The following COL4A2 variants were observed in gnomAD, a reference collection of about 807,000 sequenced individuals.
COL4A2 encodes collagen alpha-2(IV) chain.
In COL4A2, 99 loss-of-function variants were observed where a neutral mutation model predicts 200.2. The observed-to-expected ratio is 0.49, with a 90% CI of 0.42 to 0.58. The LOEUF is 0.58. Among genes scored for constraint, COL4A2 ranks in the 20% least tolerant of loss-of-function variants. The pLI is 0.00. For missense variants in COL4A2, 1,950 were observed against 2,314.1 expected, an observed-to-expected ratio of 0.84 and a Z score of 3.23; for synonymous variants, 897 against 900.6, an observed-to-expected ratio of 1.00 and a Z score of 0.07.
At chr13:110,385,531 G>C (rs1179001871) in intron 4 of COL4A2, among the ~76,000 whole-genome samples, 48 of 110,314 alleles carry the variant, frequency 4.4e-4, no homozygotes, top group African/African-American at 1.3e-3. Context: ...GTTACAGTGC[G>C]TGGATAGGCC....
At chr13:110,464,484 C>A (rs1882154329) in intron 24 of COL4A2, among the ~76,000 whole-genome samples, 1 of 152,188 alleles carries the variant, frequency 6.6e-6, no homozygotes, top group African/African-American at 2.4e-5. Context: ...TTTGGGGCAT[C>A]TGCCCTGTGA....
At chr13:110,487,512 A>G (rs1883154934) in intron 34 of COL4A2, among the ~76,000 whole-genome samples, 1 of 152,230 alleles carries the variant, frequency 6.6e-6, no homozygotes, top group African/African-American at 2.4e-5. Context: ...TACAACATCC[A>G]AAGGACCTTT....
At chr13:110,311,536 C>A (rs1226122973) in intron 3 of COL4A2, among the ~76,000 whole-genome samples, 1 of 152,120 alleles carries the variant, frequency 6.6e-6, no homozygotes, top group Admixed American at 6.5e-5. Flanking sequence ...GTTACTCATC[C>A]CACCCACCTC....
intron 4 of COL4A2, among the ~76,000 whole-genome samples, chr13:110,388,489 T>C (rs999914677): frequency 1.3e-5 from 2 of 152,228 alleles, no homozygotes; most frequent in Non-Finnish European, 2.9e-5. Context: ...TGCTCCAAAC[T>C]GCTGCCCCAT....
chr13:110,458,915 C>G lies in COL4A2; in HGVS notation c.1577C>G (p.Pro526Arg), dbSNP rs745382040. Reference sequence around the variant, plus strand: ...GGAGACCCCGGCCAACACGGCCTCCCTGGGTTCCCAGGGCTCAAGGTGAGG... The same window carrying G: ...GGAGACCCCGGCCAACACGGCCTCCGTGGGTTCCCAGGGCTCAAGGTGAGG... ...DRGDPGQHGL[P>R]GFPGLKGVPG... Residue 526 changes from proline to arginine, a missense_variant, in exon 22 of 48, where the codon CCT becomes CGT. Physicochemically the swap from Pro to Arg is moderately radical, Grantham distance 103. Transcript: ENST00000360467. 1.3e-6 allele frequency: 2 copies of G among 1,585,058 alleles called. No homozygotes were observed. Among genetic ancestry groups the G allele is most frequent in the Non-Finnish European group, 1.7e-6 (2 of 1,165,982 alleles).
At chr13:110,380,627 G>T (rs1414247817) in intron 4 of COL4A2, among the ~76,000 whole-genome samples, 1 of 152,038 alleles carries the variant, frequency 6.6e-6, no homozygotes, top group East Asian at 1.9e-4. Context: ...CACCCACAGG[G>T]CTCTACGTCA....
chr13:110,446,869 G>A lies in COL4A2; in HGVS notation c.1078+5G>A. The A allele has an allele frequency of 6.2e-7, 1 of 1,610,654 alleles. No individual in the cohort carries two copies. Among genetic ancestry groups the A allele is most frequent in the Non-Finnish European group, 8.5e-7 (1 of 1,177,196 alleles). The stretch of plus-strand genomic sequence containing the variant: ...CTCACCCTTCCCTAGCAAAAGGTGT[G>A]TGAACAATTTCACCTGCATAGTTCA... On this transcript the variant is annotated splice_donor_5th_base_variant and intron_variant, in intron 18 of 47. Coordinates refer to ENST00000360467, the MANE Select transcript of COL4A2 (RefSeq NM_001846.4).
At chr13:110,495,216 G>C (rs1883416815) in intron 39 of COL4A2, 126 bp from the exon 40 acceptor site, 2 of 1,130,740 alleles carry the variant, frequency 1.8e-6, no homozygotes, top group Non-Finnish European at 1.3e-6. Context: ...TGCAATGCAA[G>C]CTGAAATCAC....
chr13:110,378,776 G>A (rs1184732637), intron 4 of COL4A2, among the ~76,000 whole-genome samples: 1 of 152,162 alleles, frequency 6.6e-6, no homozygotes, highest in East Asian at 1.9e-4. Flanking sequence ...TCGAACCACT[G>A]GGAAGAATGT....
rs1043251482 is a variant in COL4A2, at chr13:110,428,533, G to A, written c.427G>A (p.Asp143Asn). 1 of 1,583,552 alleles carries A rather than the reference G, an allele frequency of 6.3e-7. No homozygotes were observed. Among genetic ancestry groups the A allele is most frequent in the East Asian group, 2.4e-5 (1 of 41,324 alleles). ...GYDGCNGTQG[D>N]SGPQGPPGSE... is the part of the protein sequence containing the mutation. ...CGATGGCTGCAACGGAACCCAGGGA[G>A]ACTCAGGTCCACAGGGGCCCCCCGG... Residue 143 changes from aspartate to asparagine, a missense_variant, in exon 7 of 48, where the codon GAC becomes AAC. Transcript: ENST00000360467.
At chr13:110,480,184 T>C in intron 30 of COL4A2, 36 bp from the exon 31 acceptor site, 1 of 1,553,178 alleles carries the variant, frequency 6.4e-7, no homozygotes, top group South Asian at 1.2e-5. Context: ...TGTGTGTGTT[T>C]GTCCACCCTG....
At position 110,512,118 on chromosome 13, in the gene COL4A2, C is replaced by T. The variant is rs761162868; in HGVS notation, c.5066C>T (p.Ser1689Phe). 1.5e-5 allele frequency: 25 copies of T among 1,613,608 alleles called. 2 individuals carry two copies. Among genetic ancestry groups the T allele is most frequent in the Middle Eastern group, 1.6e-4 (1 of 6,062 alleles). ...GAGCAGAGCTTCCAGGGCTCGCCCT[C>T]CGCCGACACGCTCAAGGCCGGCCTC... is the stretch of plus-strand genomic sequence containing the variant. ...IPEQSFQGSP[S>F]ADTLKAGLIR... The change falls in exon 48 of 48, where the codon TCC (serine) becomes TTC (phenylalanine). Residue 1689 changes from serine to phenylalanine, a missense_variant. Ser to Phe is a radical substitution (Grantham distance 155, BLOSUM62 -2). Transcript: ENST00000360467.
chr13:110,405,793 A>G (rs562830510), intron 4 of COL4A2, among the ~76,000 whole-genome samples: 1 of 152,246 alleles, frequency 6.6e-6, no homozygotes, highest in East Asian at 1.9e-4. Context: ...TGTCTTTCCC[A>G]CTAGTAGGTG....
intron 4 of COL4A2, among the ~76,000 whole-genome samples, chr13:110,406,500 C>T (rs935063885): frequency 1.3e-5 from 2 of 152,142 alleles, no homozygotes; most frequent in African/African-American, 4.8e-5. Flanking sequence ...ATGACTGGCT[C>T]CAATAGAAGC....
intron 4 of COL4A2, among the ~76,000 whole-genome samples, chr13:110,373,682 G>A (rs775728573): frequency 2.6e-5 from 4 of 152,160 alleles, no homozygotes; most frequent in African/African-American, 4.8e-5. Flanking sequence ...TACCCAAGCC[G>A]CAGGGTGTGA....
chr13:110,323,195 C>T (rs1885319998), intron 3 of COL4A2, among the ~76,000 whole-genome samples: 1 of 152,138 alleles, frequency 6.6e-6, no homozygotes, highest in Admixed American at 6.5e-5. Flanking sequence ...AGCTACATTC[C>T]CCAGAGTTCA....
intron 3 of COL4A2, among the ~76,000 whole-genome samples, chr13:110,319,960 T>G (rs1885235672): frequency 6.6e-6 from 1 of 152,236 alleles, no homozygotes; most frequent in Non-Finnish European, 1.5e-5. Context: ...GTATCTTCAG[T>G]GATATGTCAA....
intron 4 of COL4A2, among the ~76,000 whole-genome samples, chr13:110,370,498 G>A (rs140264443): frequency 2.0e-5 from 3 of 152,214 alleles, no homozygotes; most frequent in Non-Finnish European, 4.4e-5. Flanking sequence ...CTCGTGGTCC[G>A]CCCACCTTGG....
intron 4 of COL4A2, among the ~76,000 whole-genome samples, chr13:110,401,541 G>C (rs1043815560): frequency 6.6e-6 from 1 of 152,144 alleles, no homozygotes; most frequent in Non-Finnish European, 1.5e-5. Flanking sequence ...TGTTTTAGAA[G>C]AACTTTCAGC....
Sources: allele counts gnomAD v4.1 joint callset (sites outside exome capture counted in the v4.1 genomes callset), GRCh38; gene constraint gnomAD v4.1.1; transcripts MANE v1.5; gene names NCBI Gene and HGNC (gene_info 2026-07-23, HGNC 2026-07-21).